The following TFAP4 variants were observed in gnomAD, a reference collection of about 807,000 sequenced individuals.
TFAP4 encodes activating enhancer-binding protein 4.
TFAP4 carries 7 observed loss-of-function variants against 40.4 expected under a neutral mutation model. The ratio of observed to expected loss-of-function variants is 0.17; its 90% CI spans 0.10 to 0.33. The LOEUF (loss-of-function observed/expected upper bound fraction) is 0.33. Among genes scored for constraint, TFAP4 ranks in the 10% least tolerant of loss-of-function variants. The pLI, the probability that TFAP4 is intolerant of heterozygous loss-of-function variation, is 1.00. For missense variants in TFAP4, 374 were observed against 451.1 expected (o/e 0.83, Z 1.55); for synonymous variants, 218 against 181.4 (o/e 1.20, Z -1.62).
Position 4,262,520 on chromosome 16 carries a change from C to G in TFAP4, c.255+16G>C, listed in dbSNP as rs2052958306. 1 of 1,612,664 alleles carries G rather than the reference C, an allele frequency of 6.2e-7. No individual in the cohort carries two copies. Among genetic ancestry groups the G allele is most frequent in the African/African-American group, 1.3e-5 (1 of 74,954 alleles). On this transcript the variant is annotated intron_variant, in intron 2 of 6. Transcript: ENST00000204517. ...CCTGCCGGCTCCTCCAGGAAGCCCT[C>G]CCTGCTCTCACCCACCTTGCTGAGC...
At chr16:4,265,355 TATA>T (rs2052984175) in intron 1 of TFAP4, 1 of 152,324 alleles carries the variant, frequency 6.6e-6, no homozygotes, top group African/African-American at 2.4e-5. Context: ...GGCTCACACC[TATA>T]ATCCTAGCAC....
chr16:4,258,389 C>G, intron 6 of TFAP4, 140 bp from the exon 7 acceptor site: 2 of 732,822 alleles, frequency 2.7e-6, no homozygotes, highest in Non-Finnish European at 4.4e-6. Flanking sequence ...AGGGGAGGCC[C>G]GCTAGAGTAC....
At chr16:4,269,639 G>A (rs953747731) in intron 1 of TFAP4, among the ~76,000 whole-genome samples, 1 of 150,724 alleles carries the variant, frequency 6.6e-6, no homozygotes, top group Non-Finnish European at 1.5e-5. Flanking sequence ...GTGAAACCCC[G>A]TCTGTACTAA....
rs768302218 is a variant in TFAP4, at chr16:4,260,502, G to A, written c.619C>T (p.Leu207=). The change falls in exon 5 of 7, where the codon CTG becomes TTG. Residue 207 remains leucine, a synonymous_variant. Transcript: ENST00000204517. ...TCCCGCTCCAGCTTCTCCTGGTGCA[G>A]CAGCCTCACCTGTTCCTGCTGCTGC... is the stretch of plus-strand genomic sequence containing the variant. ...LQQQQEQVRL[L]HQEKLEREQQ... is the part of the protein sequence containing the mutation. The A allele has an allele frequency of 2.1e-5, 34 of 1,607,790 alleles. No homozygotes were observed. Among genetic ancestry groups the A allele is most frequent in the Non-Finnish European group, 3.4e-6 (4 of 1,177,474 alleles).
intron 1 of TFAP4, among the ~76,000 whole-genome samples, chr16:4,268,909 A>T (rs1240099312): frequency 1.3e-5 from 2 of 151,684 alleles, no homozygotes; most frequent in African/African-American, 4.8e-5. Flanking sequence ...GTTTTTTTTA[A>T]GAGACAGGGT....
At position 4,257,597 on chromosome 16, in the gene TFAP4, C is replaced by G. The variant is rs745820249; in HGVS notation, c.*458G>C. 11 of 156,050 alleles carry G rather than the reference C, an allele frequency of 7.0e-5. No individual in the cohort carries two copies. Among genetic ancestry groups the G allele is most frequent in the Non-Finnish European group, 1.6e-4 (11 of 70,272 alleles). 9.7% of individuals were successfully genotyped at this position (156,050 alleles called of 1,614,324 possible). ...GAATGCCCCAGCCTAGTCTTACCCC[C>G]AACCATGTAAGTGCTTAAAGGAGAA... On this transcript the variant is annotated 3_prime_UTR_variant, in exon 7 of 7. Coordinates refer to ENST00000204517, the MANE Select transcript of TFAP4 (RefSeq NM_003223.3).
At chr16:4,259,226 C>T (rs1383524696) in intron 6 of TFAP4, among the ~76,000 whole-genome samples, 3 of 151,958 alleles carry the variant, frequency 2.0e-5, no homozygotes, top group Non-Finnish European at 2.9e-5. Context: ...TTCCACCTCC[C>T]ATGTTCAAGC....
rs1279287318 is a variant in TFAP4 at position 4,267,180 on chromosome 16, CCCA to C, written c.90-4482_90-4480del. 11 of 152,484 alleles carry C rather than the reference CCCA, an allele frequency of 7.2e-5. No homozygotes were observed. In the East Asian group the frequency reaches 2.1e-3, roughly 29 times the overall value. 9.4% of individuals were successfully genotyped at this position (152,484 alleles called of 1,614,324 possible). ...TCCCGAGTAGCTGGGATTACAGGGA[CCCA>C]CCACCACGCCCGGCTAATTTTTGTA... On this transcript the variant is annotated intron_variant, in intron 1 of 6. Coordinates refer to ENST00000204517, the MANE Select transcript of TFAP4 (RefSeq NM_003223.3).
chr16:4,258,069 C>G lies in TFAP4; in HGVS notation c.1003G>C (p.Gly335Arg), dbSNP rs537940802. ...DQSREEPSGD[G>R]ELP ...TGGGGGGGTAGTCAGGGAAGCTCCCCGTCCCCCGACGGCTCCTCCCGGCTC... is the reference window on the plus strand; with the variant it reads ...TGGGGGGGTAGTCAGGGAAGCTCCCGGTCCCCCGACGGCTCCTCCCGGCTC... The change falls in exon 7 of 7, where the codon GGG becomes CGG. Residue 335 changes from glycine (G) to arginine (R), a missense_variant. By Grantham distance (125) the Gly-to-Arg change is moderately radical. Transcript: ENST00000204517. 132 of 1,611,964 alleles carry G rather than the reference C, an allele frequency of 8.2e-5. No homozygotes were observed. In the South Asian group the frequency reaches 1.4e-3, roughly 17 times the overall value.
chr16:4,268,286 C>T (rs535363526), intron 1 of TFAP4, among the ~76,000 whole-genome samples: 62 of 152,242 alleles, frequency 4.1e-4, no homozygotes, highest in Admixed American at 6.5e-4. Flanking sequence ...AAAAATTAGC[C>T]GGGTGTCGTG....
At position 4,271,406 on chromosome 16, in the gene TFAP4, G is replaced by A. The variant is rs547781376; in HGVS notation, c.89+1252C>T. On this transcript the variant is annotated intron_variant, in intron 1 of 6. Coordinates refer to ENST00000204517, the MANE Select transcript of TFAP4 (RefSeq NM_003223.3). ...GCTCCTGGAGCAGCGCGGCAGGAAAGGGGCCACAGGTCCCAAACTTGCGCA... is the reference window on the plus strand; with the variant it reads ...GCTCCTGGAGCAGCGCGGCAGGAAAAGGGCCACAGGTCCCAAACTTGCGCA... 2.6e-3 allele frequency among the ~76,000 whole-genome samples: 400 copies of A among 152,370 alleles called. 3 individuals carry two copies. The highest frequency in any genetic ancestry group is 9.1e-3 in the African/African-American group (378 of 41,586).
At chr16:4,259,534 G>A (rs1046440172) in intron 6 of TFAP4, among the ~76,000 whole-genome samples, 4 of 152,164 alleles carry the variant, frequency 2.6e-5, no homozygotes, top group Admixed American at 6.5e-5. Flanking sequence ...ATTAAAATTC[G>A]AGGAGATTGA....
Position 4,257,880 on chromosome 16 carries a change from G to A in TFAP4, c.*175C>T, listed in dbSNP as rs1014594724. 7.4e-6 allele frequency: 5 copies of A among 671,786 alleles called. No homozygotes were observed. The highest frequency in any genetic ancestry group is 6.0e-5 in the East Asian group (2 of 33,406). 41.6% of individuals were successfully genotyped at this position (671,786 alleles called of 1,614,324 possible). On this transcript the variant is annotated 3_prime_UTR_variant, in exon 7 of 7. Transcript: ENST00000204517. ...TGCGACACCCCAGCCCCGGGACCTC[G>A]GGTTGAGTGGCTTCGTTCAAAGGTC...
At chr16:4,261,059 C>T (rs2052943816) in intron 4 of TFAP4, among the ~76,000 whole-genome samples, 1 of 152,200 alleles carries the variant, frequency 6.6e-6, no homozygotes, top group African/African-American at 2.4e-5. Flanking sequence ...GCCTCCACCT[C>T]CTGGGCTCAA....
chr16:4,260,291 C>T (rs547940657), intron 5 of TFAP4, 46 bp from the exon 6 acceptor site: 25 of 1,519,876 alleles, frequency 1.6e-5, no homozygotes, highest in Non-Finnish European at 2.2e-5. Context: ...CTTCTCTTGG[C>T]CCATCCACCT....
chr16:4,264,928 G>A (rs2052979146), intron 1 of TFAP4: 3 of 152,110 alleles, frequency 2.0e-5, no homozygotes, highest in Admixed American at 6.5e-5. Context: ...GGAGAGATGT[G>A]GGGAGAGACC....
chr16:4,257,805 G>GC lies in TFAP4; in HGVS notation c.*249dup. 2.5e-6 allele frequency: 1 copy of GC among 406,492 alleles called. No homozygotes were observed. The highest frequency in any genetic ancestry group is 4.1e-5 in the Admixed American group (1 of 24,304). The allele number at this position is 406,492 out of a possible 1,614,324, so 25.2% of individuals were successfully genotyped here. A position where few individuals can be genotyped will look rare whatever the true frequency, so the allele number is the denominator to read the frequency against. On this transcript the variant is annotated 3_prime_UTR_variant, in exon 7 of 7. Transcript: ENST00000204517. ...GGCATCTCCGTGTCAGCTTCCTCCA[G>GC]CCCCCGGGGCCGAGGCCCCGCCCTG...
chr16:4,259,780 G>A (rs1042456777), intron 6 of TFAP4, among the ~76,000 whole-genome samples: 4 of 152,142 alleles, frequency 2.6e-5, no homozygotes, highest in Non-Finnish European at 5.9e-5. Flanking sequence ...CCCAAGAGCT[G>A]GATGCAGGAA....
chr16:4,258,216 G>C lies in TFAP4; in HGVS notation c.856C>G (p.Gln286Glu), dbSNP rs1161893139. ...IQHIEGTQEKQELEEEQRRAV... is the reference protein window; with the variant it reads ...IQHIEGTQEKEELEEEQRRAV... ...CGCCGCTGCTCCTCCTCCAGCTCCT[G>C]CTTTTCCTGGGTGCCCTCGATGTGC... The change falls in exon 7 of 7, where the codon CAG becomes GAG. Residue 286 changes from glutamine to glutamate, a missense_variant. Gln to Glu is a conservative substitution (Grantham distance 29). Coordinates refer to ENST00000204517, the MANE Select transcript of TFAP4 (RefSeq NM_003223.3). The C allele has an allele frequency of 5.0e-6, 8 of 1,607,044 alleles. No homozygotes were observed. The East Asian group carries it at 1.3e-4, about 27-fold the overall frequency.
Sources: allele counts gnomAD v4.1 joint callset (sites outside exome capture counted in the v4.1 genomes callset), GRCh38; gene constraint gnomAD v4.1.1; transcripts MANE v1.5; gene names NCBI Gene and HGNC (gene_info 2026-07-23, HGNC 2026-07-21).